The following TMEM109 variants were observed in gnomAD, a reference collection of about 807,000 sequenced individuals.
TMEM109 encodes the protein voltage-gated monoatomic cation channel TMEM109.
Under a neutral mutation model 26.4 loss-of-function variants are expected in TMEM109, and 19 were observed. That is an observed-to-expected ratio of 0.72 (90% confidence interval 0.50 to 1.06). The LOEUF (loss-of-function observed/expected upper bound fraction) is 1.06, where lower values mean the gene tolerates loss of function less well. Among genes scored for constraint, TMEM109 ranks in the 50% least tolerant of loss-of-function variants. The probability of loss-of-function intolerance (pLI) is 0.00; values close to 1 mark genes in which losing one functional copy is unlikely to be tolerated. For missense variants in TMEM109, 262 were observed against 303.4 expected, an observed-to-expected ratio of 0.86 and a Z score of 1.01; for synonymous variants, 129 against 142.0, an observed-to-expected ratio of 0.91 and a Z score of 0.65.
intron 1 of TMEM109, among the ~76,000 whole-genome samples, chr11:60,918,297 G>T (rs900424771): frequency 6.6e-6 from 1 of 152,082 alleles, no homozygotes; most frequent in African/African-American, 2.4e-5. Flanking sequence ...CACTGCCTGC[G>T]TAGTTTATAA....
chr11:60,914,816 C>T (rs1271589624), intron 1 of TMEM109, among the ~76,000 whole-genome samples: 1 of 152,262 alleles, frequency 6.6e-6, no homozygotes, highest in Non-Finnish European at 1.5e-5. Flanking sequence ...CAAACAGTTG[C>T]TGGGCAGCAG....
At chr11:60,919,656 A>C (rs940579229) in intron 1 of TMEM109, 30 bp from the exon 2 acceptor site, 10 of 1,566,348 alleles carry the variant, frequency 6.4e-6, no homozygotes, top group Non-Finnish European at 8.8e-6. Flanking sequence ...CTACCATGGC[A>C]CTCAGCTCAC....
chr11:60,922,177 C>T lies in TMEM109; in HGVS notation c.*12C>T. The T allele has an allele frequency of 1.9e-6, 3 of 1,565,870 alleles. No individual in the cohort carries two copies. Among genetic ancestry groups the T allele is most frequent in the Non-Finnish European group, 1.7e-6 (2 of 1,155,114 alleles). On this transcript the variant is annotated 3_prime_UTR_variant, in exon 4 of 4. Coordinates refer to ENST00000227525, the MANE Select transcript of TMEM109 (RefSeq NM_024092.3). Reference sequence around the variant, plus strand: ...TGGAGGAGGAGTGAGCCGGATGCCCCACACACCGCCAGTGTCATACCAAAG... The same window carrying T: ...TGGAGGAGGAGTGAGCCGGATGCCCTACACACCGCCAGTGTCATACCAAAG...
chr11:60,916,673 C>G (rs945179497), intron 1 of TMEM109, among the ~76,000 whole-genome samples: 1 of 152,244 alleles, frequency 6.6e-6, no homozygotes, highest in Non-Finnish European at 1.5e-5. Context: ...GGTTTGGTAT[C>G]TGGTGCACTT....
At chr11:60,921,751 T>A in intron 3 of TMEM109, 23 bp from the exon 4 acceptor site, 1 of 1,593,446 alleles carries the variant, frequency 6.3e-7, no homozygotes, top group African/African-American at 1.3e-5. Context: ...GTTGGCTGAC[T>A]CTGTGACTCT....
At chr11:60,915,787 A>G (rs560273223) in intron 1 of TMEM109, among the ~76,000 whole-genome samples, 1 of 152,234 alleles carries the variant, frequency 6.6e-6, no homozygotes, top group Non-Finnish European at 1.5e-5. Context: ...CCCTTGTAGC[A>G]AACCACAGCT....
intron 2 of TMEM109, among the ~76,000 whole-genome samples, 170 bp downstream of exon 2, chr11:60,920,100 G>GATTC (rs1565115989): frequency 2.0e-4 from 30 of 152,024 alleles, no homozygotes; most frequent in Non-Finnish European, 4.0e-4. Flanking sequence ...TTATTTGATT[G>GATTC]CTGTCCTAGG....
chr11:60,915,336 G>A (rs952670438), intron 1 of TMEM109, among the ~76,000 whole-genome samples: 2 of 152,234 alleles, frequency 1.3e-5, no homozygotes, highest in South Asian at 2.1e-4. Flanking sequence ...AGTAACAGGC[G>A]TAAGGTAGTA....
intron 1 of TMEM109, among the ~76,000 whole-genome samples, chr11:60,916,270 A>G (rs1856173768): frequency 6.6e-6 from 1 of 152,232 alleles, no homozygotes; most frequent in African/African-American, 2.4e-5. Context: ...GAGTTAAATG[A>G]AGTGATGAAA....
chr11:60,922,176 C>T lies in TMEM109; in HGVS notation c.*11C>T, dbSNP rs1405231570. 11 of 1,565,786 alleles carry T rather than the reference C, an allele frequency of 7.0e-6. No homozygotes were observed. The highest frequency in any genetic ancestry group is 9.5e-6 in the Non-Finnish European group (11 of 1,155,070). On this transcript the variant is annotated 3_prime_UTR_variant, in exon 4 of 4. Transcript: ENST00000227525. ...GTGGAGGAGGAGTGAGCCGGATGCCCCACACACCGCCAGTGTCATACCAAA... is the reference window on the plus strand; with the variant it reads ...GTGGAGGAGGAGTGAGCCGGATGCCTCACACACCGCCAGTGTCATACCAAA...
chr11:60,922,120 C>T lies in TMEM109; in HGVS notation c.687C>T (p.Arg229=). The T allele has an allele frequency of 6.2e-7, 1 of 1,610,938 alleles. No individual in the cohort carries two copies. The highest frequency in any genetic ancestry group is 8.5e-7 in the Non-Finnish European group (1 of 1,178,874). The change falls in exon 4 of 4, where the codon CGC becomes CGT. Residue 229 remains arginine (R), a synonymous_variant. Coordinates refer to ENST00000227525, the MANE Select transcript of TMEM109 (RefSeq NM_024092.3). ...LERQVEELRW[R]QRRAAKGARS... is the part of the protein sequence containing the mutation. The stretch of plus-strand genomic sequence containing the variant: ...GCCAGGTGGAGGAGCTGCGCTGGCG[C>T]CAGAGGCGAGCGGCCAAGGGGGCCC...
intron 1 of TMEM109, among the ~76,000 whole-genome samples, chr11:60,916,503 C>A (rs1466157103): frequency 6.6e-6 from 1 of 152,034 alleles, no homozygotes; most frequent in African/African-American, 2.4e-5. Context: ...TTGATTAGGC[C>A]AAAGTGAGGA....
chr11:60,916,856 G>A (rs910315679), intron 1 of TMEM109, among the ~76,000 whole-genome samples: 20 of 152,216 alleles, frequency 1.3e-4, no homozygotes, highest in Non-Finnish European at 2.9e-4. Context: ...TAGGGCTGAG[G>A]AAACGATATT....
intron 1 of TMEM109, among the ~76,000 whole-genome samples, chr11:60,917,249 C>A (rs183279383): frequency 1.3e-5 from 2 of 152,216 alleles, no homozygotes; most frequent in Admixed American, 6.5e-5. Flanking sequence ...CTCCATCCCT[C>A]ATGGCTCTGG....
At chr11:60,919,610 A>G in intron 1 of TMEM109, 76 bp from the exon 2 acceptor site, 1 of 1,220,884 alleles carries the variant, frequency 8.2e-7, no homozygotes, top group Non-Finnish European at 1.2e-6. Context: ...GTGGAGAAGG[A>G]TGTTGGGATA....
Position 60,922,476 on chromosome 11 carries a change from TCA to T in TMEM109, c.*313_*314del, listed in dbSNP as rs1423553502. On this transcript the variant is annotated 3_prime_UTR_variant, in exon 4 of 4. Coordinates refer to ENST00000227525, the MANE Select transcript of TMEM109 (RefSeq NM_024092.3). ...GCTTCTGCATCTGCGCCAGCAAACA[TCA>T]CTGCCGTTGGTCTCTCATGACTTAA... is the stretch of plus-strand genomic sequence containing the variant. 2 of 998,872 alleles carry T rather than the reference TCA, an allele frequency of 2.0e-6. No homozygotes were observed. Among genetic ancestry groups the T allele is most frequent in the Non-Finnish European group, 2.9e-6 (2 of 700,844 alleles). 61.9% of individuals were successfully genotyped at this position (998,872 alleles called of 1,614,324 possible). A position where few individuals can be genotyped will look rare whatever the true frequency, so the allele number is the denominator to read the frequency against.
At chr11:60,921,378 T>C (rs59395436) in intron 3 of TMEM109, among the ~76,000 whole-genome samples, 5,703 of 152,114 alleles carry the variant, frequency 0.037, 322 homozygotes, top group African/African-American at 0.13. Flanking sequence ...CGGGATCACG[T>C]CACTGCACTC....
chr11:60,921,599 G>C (rs907200000), intron 3 of TMEM109, among the ~76,000 whole-genome samples, 175 bp from the exon 4 acceptor site: 5 of 152,182 alleles, frequency 3.3e-5, no homozygotes, highest in East Asian at 1.9e-4. Flanking sequence ...TCTACTCCAG[G>C]CCTCACAGCC....
At chr11:60,915,850 C>T (rs753759226) in intron 1 of TMEM109, among the ~76,000 whole-genome samples, 1 of 152,178 alleles carries the variant, frequency 6.6e-6, no homozygotes, top group Non-Finnish European at 1.5e-5. Flanking sequence ...GCTGTTTCCC[C>T]AGCCAGGCTG....
Sources: gnomAD v4.1 joint callset for allele counts (sites outside exome capture counted in the v4.1 genomes callset) on GRCh38, gnomAD v4.1.1 for gene constraint, MANE v1.5 for transcripts, NCBI Gene and HGNC (gene_info 2026-07-23, HGNC 2026-07-21) for gene names.